FGF12: variants seen among roughly 807,000 people sequenced by gnomAD.
The protein encoded by FGF12 is fibroblast growth factor 12, also known as fibroblast growth factor 12B.
Under a neutral mutation model 23.6 loss-of-function variants are expected in FGF12, and 14 were observed. The ratio of observed to expected loss-of-function variants is 0.59; its 90% CI spans 0.39 to 0.93. The LOEUF (loss-of-function observed/expected upper bound fraction) is 0.93, where lower values mean the gene tolerates loss of function less well. FGF12 is among the 40% of genes least tolerant of loss of function. FGF12 has a pLI of 0.00. For missense variants in FGF12, 175 were observed against 217.8 expected, an observed-to-expected ratio of 0.80 and a Z score of 1.24; for synonymous variants, 62 against 77.3, an observed-to-expected ratio of 0.80 and a Z score of 1.04.
intron 4 of FGF12, among the ~76,000 whole-genome samples, chr3:192,308,296 T>G (rs9868188): frequency 1.3e-5 from 2 of 152,250 alleles, no homozygotes; most frequent in Admixed American, 6.5e-5. Flanking sequence ...CACTCAAAAG[T>G]AATAGGTTGT....
intron 4 of FGF12, among the ~76,000 whole-genome samples, chr3:192,330,978 A>G (rs1717085355): frequency 6.6e-6 from 1 of 152,182 alleles, no homozygotes. Context: ...TTTAATAGCC[A>G]GAATCTATAA....
intron 2 of FGF12, among the ~76,000 whole-genome samples, chr3:192,658,798 C>A (rs961781506): frequency 2.0e-5 from 3 of 151,646 alleles, no homozygotes; most frequent in Non-Finnish European, 4.4e-5. Flanking sequence ...AGACAGAGTG[C>A]CTGAAAAGGT....
At chr3:192,699,615 T>C (rs1718231860) in intron 2 of FGF12, among the ~76,000 whole-genome samples, 1 of 152,188 alleles carries the variant, frequency 6.6e-6, no homozygotes, top group South Asian at 2.1e-4. Flanking sequence ...AAGTCACCAC[T>C]CTAACAAAAT....
chr3:192,343,598 T>C (rs907005482), intron 3 of FGF12, among the ~76,000 whole-genome samples: 2 of 152,272 alleles, frequency 1.3e-5, no homozygotes, highest in East Asian at 1.9e-4. Context: ...AATGCTATTA[T>C]TGAATATACA....
intron 4 of FGF12, among the ~76,000 whole-genome samples, chr3:192,324,852 C>T (rs73066577): frequency 0.035 from 5,392 of 152,218 alleles, 317 homozygotes; most frequent in African/African-American, 0.12. Flanking sequence ...CTCATTAGTG[C>T]TGCTCTCAAA....
At chr3:192,474,139 T>C (rs1027919647) in intron 2 of FGF12, among the ~76,000 whole-genome samples, 8 of 152,244 alleles carry the variant, frequency 5.3e-5, no homozygotes, top group South Asian at 2.1e-4. Context: ...TGCCTTTTTA[T>C]AGTTTGGCAC....
chr3:192,278,181 T>A (rs1255066263), intron 4 of FGF12, among the ~76,000 whole-genome samples: 1 of 152,214 alleles, frequency 6.6e-6, no homozygotes, highest in Admixed American at 6.5e-5. Context: ...GTAACAGGAT[T>A]TTTTTAAATG....
chr3:192,515,960 T>C (rs1724655481), intron 2 of FGF12, among the ~76,000 whole-genome samples: 1 of 152,074 alleles, frequency 6.6e-6, no homozygotes, highest in East Asian at 1.9e-4. Context: ...GAGGGGACTT[T>C]AGGGGACACT....
intron 4 of FGF12, among the ~76,000 whole-genome samples, chr3:192,198,454 C>T (rs1270029421): frequency 6.6e-6 from 1 of 152,068 alleles, no homozygotes; most frequent in African/African-American, 2.4e-5. Flanking sequence ...AGTAATAATG[C>T]TCACTAAATT....
At chr3:192,149,078 C>T (rs951013720) in intron 5 of FGF12, among the ~76,000 whole-genome samples, 3 of 151,998 alleles carry the variant, frequency 2.0e-5, no homozygotes, top group Non-Finnish European at 2.9e-5. Context: ...ATATCAGGCT[C>T]AATATGATAG....
chr3:192,414,695 T>G (rs1721291445), intron 2 of FGF12, among the ~76,000 whole-genome samples: 4 of 152,188 alleles, frequency 2.6e-5, no homozygotes, highest in African/African-American at 9.6e-5. Flanking sequence ...TCTATGAGTT[T>G]AATCCAGGCC....
At chr3:192,541,858 G>T (rs1405407942) in intron 2 of FGF12, among the ~76,000 whole-genome samples, 1 of 151,732 alleles carries the variant, frequency 6.6e-6, no homozygotes, top group Non-Finnish European at 1.5e-5. Context: ...ACTTTCTCCT[G>T]ATCTGTTAGG....
intron 4 of FGF12, chr3:192,237,980 G>A (rs1029638363): frequency 2.0e-5 from 3 of 152,302 alleles, no homozygotes; most frequent in African/African-American, 7.2e-5. Context: ...TGAAGCTGCT[G>A]TCTTTTGGAT....
chr3:192,212,148 C>T (rs1464802402), intron 4 of FGF12, among the ~76,000 whole-genome samples: 1 of 152,206 alleles, frequency 6.6e-6, no homozygotes, highest in Non-Finnish European at 1.5e-5. Context: ...ACTGAAATCT[C>T]TGAGAAGTTG....
intron 4 of FGF12, among the ~76,000 whole-genome samples, chr3:192,309,728 G>C (rs1394443566): frequency 6.6e-6 from 1 of 152,142 alleles, no homozygotes; most frequent in Non-Finnish European, 1.5e-5. Context: ...TGCATGGAAA[G>C]TTGAGATATA....
chr3:192,318,980 C>T (rs1716387198), intron 4 of FGF12, among the ~76,000 whole-genome samples: 1 of 151,796 alleles, frequency 6.6e-6, no homozygotes, highest in Non-Finnish European at 1.5e-5. Flanking sequence ...CAAAACAAAA[C>T]AAAACAAAAC....
At chr3:192,328,905 G>C (rs1031894456) in intron 4 of FGF12, among the ~76,000 whole-genome samples, 1 of 152,150 alleles carries the variant, frequency 6.6e-6, no homozygotes, top group Non-Finnish European at 1.5e-5. Context: ...CAAATTTTAG[G>C]TTTACTGAGA....
At chr3:192,290,610 T>C (rs1175189349) in intron 4 of FGF12, among the ~76,000 whole-genome samples, 1 of 152,056 alleles carries the variant, frequency 6.6e-6, no homozygotes, top group Admixed American at 6.6e-5. Flanking sequence ...ACTAACAGAG[T>C]ATTCATTTGC....
At chr3:192,364,590 G>A (rs1411295968) in intron 2 of FGF12, among the ~76,000 whole-genome samples, 1 of 151,438 alleles carries the variant, frequency 6.6e-6, no homozygotes, top group Admixed American at 6.6e-5. Flanking sequence ...CCATTTTCAG[G>A]CCAAGGTTTT....
Sources: allele counts gnomAD v4.1 joint callset (sites outside exome capture counted in the v4.1 genomes callset), GRCh38; gene constraint gnomAD v4.1.1; transcripts MANE v1.5; gene names NCBI Gene and HGNC (gene_info 2026-07-23, HGNC 2026-07-21).